Variants in RCC1L observed in about 807,000 individuals in gnomAD.
The protein encoded by RCC1L is RCC1-like G exchanging factor-like protein.
A neutral mutation model predicts 58.6 loss-of-function variants in RCC1L; 46 were observed. That is an observed-to-expected ratio of 0.79 (90% CI 0.62 to 1.00). RCC1L has a LOEUF of 1.00. Among genes scored for constraint, RCC1L ranks in the 50% least tolerant of loss-of-function variants. RCC1L has a pLI of 0.00. For missense variants in RCC1L, 636 were observed against 623.6 expected (o/e 1.02, Z -0.21); for synonymous variants, 281 against 262.9 (o/e 1.07, Z -0.67).
At chr7:75,032,550 G>C (rs1805331409) in intron 10 of RCC1L, among the ~76,000 whole-genome samples, 1 of 152,080 alleles carries the variant, frequency 6.6e-6, no homozygotes, top group African/African-American at 2.4e-5. Flanking sequence ...CCATGGGGGG[G>C]TAGCTGTGAG....
chr7:75,059,187 C>CAAA (rs71278503), intron 6 of RCC1L, among the ~76,000 whole-genome samples: 12 of 77,968 alleles, frequency 1.5e-4, no homozygotes, highest in Middle Eastern at 5.8e-3. Flanking sequence ...ATGAGACTCT[C>CAAA]AAAAAAAAAA....
downstream of RCC1L, among the ~76,000 whole-genome samples, chr7:75,038,188 G>A (rs1357603636): frequency 6.6e-6 from 1 of 152,220 alleles, no homozygotes; most frequent in East Asian, 1.9e-4. Context: ...GTCCCATCAG[G>A]TGGTTAAGCT....
chr7:75,039,270 C>T (rs1805493353), downstream of RCC1L, among the ~76,000 whole-genome samples: 1 of 152,240 alleles, frequency 6.6e-6, no homozygotes, highest in Non-Finnish European at 1.5e-5. Flanking sequence ...GATTCTGGCC[C>T]AGGCACGGCA....
At chr7:75,065,201 A>G (rs1055498609) in intron 3 of RCC1L, among the ~76,000 whole-genome samples, 1 of 152,056 alleles carries the variant, frequency 6.6e-6, no homozygotes, top group South Asian at 2.1e-4. Context: ...AAAAAAAAAA[A>G]AAAGAAAGAG....
chr7:75,073,384 AG>A, intron 1 of RCC1L, 29 bp downstream of exon 1: 2 of 975,580 alleles, frequency 2.1e-6, no homozygotes, highest in African/African-American at 1.9e-5. Context: ...AAGAGAGAGA[AG>A]GAGAGAAGGA....
Position 75,055,955 on chromosome 7 carries a change from C to T in RCC1L, c.1177G>A (p.Glu393Lys). ...TLFGLTEFNP[E>K]IQVSRIRCGL... is the part of the protein sequence containing the mutation. ...CATCGGATGCGGGAAACCTGGATTT[C>T]TGGGTTGAACTCCGTCAAGCCAAAG... The change falls in exon 9 of 11, where the codon GAA becomes AAA. Residue 393 changes from glutamate to lysine, a missense_variant. By Grantham distance (56) the Glu-to-Lys change is moderately conservative. Transcript: ENST00000610322. The T allele has an allele frequency of 1.2e-6, 2 of 1,613,962 alleles. No individual in the cohort carries two copies. Among genetic ancestry groups the T allele is most frequent in the Non-Finnish European group, 1.7e-6 (2 of 1,179,872 alleles).
Position 75,043,167 on chromosome 7 carries a change from C to A in RCC1L, c.1318-58G>T. ...GGGTGGCGCACCCGGAGGAGACAGG[C>A]GCTGGTGTTGGCCGACCCGGCCCTG... On this transcript the variant is annotated intron_variant, in intron 10 of 10. Coordinates refer to ENST00000610322, the MANE Select transcript of RCC1L (RefSeq NM_030798.5). 3.7e-6 allele frequency: 6 copies of A among 1,603,610 alleles called. No homozygotes were observed. In the South Asian group the frequency reaches 4.4e-5, roughly 12 times the overall value.
At chr7:75,041,200 C>T (rs587776160), downstream of RCC1L, among the ~76,000 whole-genome samples, 9 of 148,444 alleles carry the variant, frequency 6.1e-5, no homozygotes, top group South Asian at 2.2e-4. Context: ...GGCGACAGAG[C>T]GAGACTCCAT....
intron 8 of RCC1L, chr7:75,056,608 T>C (rs1806089062): frequency 6.5e-7 from 1 of 1,534,878 alleles, no homozygotes; most frequent in African/African-American, 1.4e-5. Flanking sequence ...TTTGATTTTT[T>C]GGCTGGAGAA....
chr7:75,055,777 T>G lies in RCC1L; in HGVS notation c.1231+124A>C. ...TCTGGCTTAGCCCTTGCTTGAGTTA[T>G]CAGTACAAAGGCGCCGTTCTGTTGG... is the stretch of plus-strand genomic sequence containing the variant. On this transcript the variant is annotated intron_variant, in intron 9 of 10. Coordinates refer to ENST00000610322, the MANE Select transcript of RCC1L (RefSeq NM_030798.5). 7 of 1,109,538 alleles carry G rather than the reference T, an allele frequency of 6.3e-6. No individual in the cohort carries two copies. In the South Asian group the frequency reaches 9.2e-5, roughly 15 times the overall value. The allele number at this position is 1,109,538 out of a possible 1,614,324, so 68.7% of individuals were successfully genotyped here.
intron 2 of RCC1L, among the ~76,000 whole-genome samples, 179 bp from the exon 3 acceptor site, chr7:75,066,971 C>T (rs889581219): frequency 1.3e-5 from 2 of 152,184 alleles, no homozygotes; most frequent in African/African-American, 4.8e-5. Context: ...ATGGCATGGG[C>T]TGTCTCTATT....
chr7:75,038,869 G>A (rs1158116829), downstream of RCC1L, among the ~76,000 whole-genome samples: 5 of 152,176 alleles, frequency 3.3e-5, no homozygotes, highest in South Asian at 2.1e-4. Context: ...TCCTGCCTCC[G>A]GGGGGAAACC....
chr7:75,038,095 G>A (rs1269784842), downstream of RCC1L, among the ~76,000 whole-genome samples: 1 of 152,220 alleles, frequency 6.6e-6, no homozygotes, highest in East Asian at 1.9e-4. Flanking sequence ...TCACAGGCAG[G>A]ACAGAGCCTG....
Position 75,073,707 on chromosome 7 carries a change from G to A in RCC1L, c.31C>T (p.Arg11Trp), listed in dbSNP as rs1554446585. 13 of 1,492,922 alleles carry A rather than the reference G, an allele frequency of 8.7e-6. No homozygotes were observed. In the East Asian group the frequency reaches 1.4e-4, roughly 16 times the overall value. The allele number at this position is 1,492,922 out of a possible 1,614,324, so 92.5% of individuals were successfully genotyped here. Residue 11 changes from arginine (R) to tryptophan (W), a missense_variant, in exon 1 of 11, where the codon CGG becomes TGG. By Grantham distance (101) the Arg-to-Trp change is moderately radical. Coordinates refer to ENST00000610322, the MANE Select transcript of RCC1L (RefSeq NM_030798.5). The stretch of plus-strand genomic sequence containing the variant: ...GGCCCGCTCAGCCGCCGCCCCAGCC[G>A]AGCCCCAGCCACCAACGCCACCAGC... Reference protein sequence around the residue: MALVALVAGARLGRRLSGPGL... With the variant: MALVALVAGAWLGRRLSGPGL...
chr7:75,068,502 G>A (rs1291321025), intron 2 of RCC1L, among the ~76,000 whole-genome samples: 1 of 151,966 alleles, frequency 6.6e-6, no homozygotes, highest in African/African-American at 2.4e-5. Flanking sequence ...CCTGGCCAAC[G>A]TGGTGAAACC....
At chr7:75,041,304 C>T (rs1805558755), downstream of RCC1L, among the ~76,000 whole-genome samples, 1 of 152,140 alleles carries the variant, frequency 6.6e-6, no homozygotes, top group African/African-American at 2.4e-5. Context: ...CAACGGCCCA[C>T]AGAACCACTT....
chr7:75,032,493 G>A (rs1048975213), intron 10 of RCC1L, among the ~76,000 whole-genome samples: 7 of 152,252 alleles, frequency 4.6e-5, no homozygotes, highest in South Asian at 2.1e-4. Context: ...GCTTGAGACC[G>A]GCAGGTTCTA....
chr7:75,042,254 G>A lies in RCC1L; in HGVS notation c.*778C>T. 2.0e-6 allele frequency: 2 copies of A among 985,456 alleles called. No individual in the cohort carries two copies. The highest frequency in any genetic ancestry group is 1.7e-5 in the African/African-American group (1 of 57,364). The allele number at this position is 985,456 out of a possible 1,614,324, so 61.0% of individuals were successfully genotyped here. On this transcript the variant is annotated 3_prime_UTR_variant, in exon 11 of 11. Transcript: ENST00000610322. ...GTAAAAGATGTTTTTAAAGGGAAAG[G>A]CAAGTCACGCTACTAAATCAAACAT...
intron 10 of RCC1L, among the ~76,000 whole-genome samples, chr7:75,051,198 TAATA>T (rs1312857567): frequency 6.8e-6 from 1 of 146,146 alleles, no homozygotes; most frequent in African/African-American, 2.5e-5. Context: ...TATATATATT[TAATA>T]TATATAAACG....
Sources: allele counts gnomAD v4.1 joint callset (sites outside exome capture counted in the v4.1 genomes callset), GRCh38; gene constraint gnomAD v4.1.1; transcripts MANE v1.5; gene names NCBI Gene and HGNC (gene_info 2026-07-23, HGNC 2026-07-21).